ZMYM5: variants seen among roughly 807,000 people sequenced by gnomAD.
ZMYM5 encodes the protein zinc finger MYM-type containing 5, also known as zinc finger MYM-type protein 5.
Under a neutral mutation model 61.8 loss-of-function variants are expected in ZMYM5, and 41 were observed. The observed-to-expected ratio is 0.66, with a 90% CI of 0.52 to 0.86. The LOEUF (loss-of-function observed/expected upper bound fraction) is 0.86, where lower values mean the gene tolerates loss of function less well. Among genes scored for constraint, ZMYM5 ranks in the 40% least tolerant of loss-of-function variants. The pLI, the probability that ZMYM5 is intolerant of heterozygous loss-of-function variation, is 0.00. For missense variants in ZMYM5, 706 were observed against 786.7 expected, an observed-to-expected ratio of 0.90 and a Z score of 1.23; for synonymous variants, 257 against 276.4, an observed-to-expected ratio of 0.93 and a Z score of 0.70.
intron 2 of ZMYM5, among the ~76,000 whole-genome samples, chr13:19,859,346 G>T (rs2138660939): frequency 1.3e-5 from 2 of 152,234 alleles, no homozygotes; most frequent in African/African-American, 4.8e-5. Context: ...GCTTCAAGTT[G>T]GAAACCCCAC....
At chr13:19,853,732 G>T (rs1450205141) in intron 2 of ZMYM5, among the ~76,000 whole-genome samples, 2 of 151,250 alleles carry the variant, frequency 1.3e-5, no homozygotes, top group African/African-American at 4.9e-5. Context: ...TTCCTGAGTA[G>T]CATGCCTGGC....
intron 6 of ZMYM5, among the ~76,000 whole-genome samples, chr13:19,836,451 T>G (rs1323223853): frequency 1.3e-5 from 2 of 152,072 alleles, no homozygotes; most frequent in African/African-American, 2.4e-5. Context: ...CAACAATCTT[T>G]TTTTTTCTTT....
chr13:19,860,935 C>CGTGTGTGTGTGTGT (rs10690639), intron 2 of ZMYM5, among the ~76,000 whole-genome samples: 24 of 136,856 alleles, frequency 1.8e-4, no homozygotes, highest in African/African-American at 6.5e-4. Flanking sequence ...TATATGCGCA[C>CGTGTGTGTGTGTGT]GTGTGTGTGT....
intron 2 of ZMYM5, among the ~76,000 whole-genome samples, chr13:19,857,216 T>C (rs1029412522): frequency 1.3e-5 from 2 of 152,254 alleles, no homozygotes; most frequent in African/African-American, 4.8e-5. Context: ...AACTGTCTAA[T>C]TTTAAACATT....
chr13:19,837,030 T>TG (rs1952695567), intron 6 of ZMYM5, among the ~76,000 whole-genome samples: 1 of 123,540 alleles, frequency 8.1e-6, no homozygotes, highest in Non-Finnish European at 1.7e-5. Flanking sequence ...TTTTGTTTTT[T>TG]TTTTTTTCTT....
intron 7 of ZMYM5, among the ~76,000 whole-genome samples, chr13:19,828,121 TA>T (rs1292061318): frequency 2.2e-5 from 3 of 138,638 alleles, no homozygotes; most frequent in Non-Finnish European, 4.7e-5. Context: ...TGAAAGAAAA[TA>T]AAAATGGACT....
At chr13:19,834,980 T>C (rs189555448) in intron 7 of ZMYM5, among the ~76,000 whole-genome samples, 1 of 143,546 alleles carries the variant, frequency 7.0e-6, no homozygotes, top group Non-Finnish European at 1.5e-5. Flanking sequence ...CCACTGTGCC[T>C]GATCATTTTC....
intron 7 of ZMYM5, among the ~76,000 whole-genome samples, chr13:19,833,938 G>C (rs11147485): frequency 1.3e-5 from 2 of 152,190 alleles, no homozygotes; most frequent in Non-Finnish European, 2.9e-5. Context: ...CCAGGAGTTC[G>C]AGACCAGCCT....
chr13:19,851,937 A>C lies in ZMYM5; in HGVS notation c.244T>G (p.Phe82Val), dbSNP rs774694890. 1.2e-6 allele frequency: 2 copies of C among 1,613,844 alleles called. No homozygotes were observed. Among genetic ancestry groups the C allele is most frequent in the Admixed American group, 1.7e-5 (1 of 59,956 alleles). ...SAPAIADQRN[F>V]IFASSKNEKP... is the part of the protein sequence containing the mutation. ...TCATTTTTTGATGATGCAAATATGAAGTTTCTTTGATCAGCTATTGCTGGA... is the reference window on the plus strand; with the variant it reads ...TCATTTTTTGATGATGCAAATATGACGTTTCTTTGATCAGCTATTGCTGGA... The change falls in exon 3 of 8, where the codon TTC (phenylalanine) becomes GTC (valine). Residue 82 changes from phenylalanine to valine, a missense_variant. By Grantham distance (50) the Phe-to-Val change is conservative. This residue lies in a region of ZMYM5 where 480 missense variants were observed against 461.7 expected (regional missense o/e 1.04). Coordinates refer to ENST00000337963, the MANE Select transcript of ZMYM5 (RefSeq NM_001142684.2).
chr13:19,839,631 C>T (rs903666292), intron 4 of ZMYM5, among the ~76,000 whole-genome samples: 3 of 152,124 alleles, frequency 2.0e-5, no homozygotes, highest in Non-Finnish European at 4.4e-5. Context: ...CTGCCTCAGC[C>T]TCCCAAAGTG....
At chr13:19,833,775 G>A (rs2138504425) in intron 7 of ZMYM5, among the ~76,000 whole-genome samples, 1 of 152,218 alleles carries the variant, frequency 6.6e-6, no homozygotes, top group Middle Eastern at 3.4e-3. Context: ...TTAAAATCTT[G>A]TACTTTTCAA....
chr13:19,838,608 C>T, intron 5 of ZMYM5, 92 bp downstream of exon 5: 3 of 1,466,376 alleles, frequency 2.0e-6, no homozygotes, highest in African/African-American at 1.4e-5. Flanking sequence ...CAATTCTACC[C>T]ATAAATCTAT....
intron 4 of ZMYM5, among the ~76,000 whole-genome samples, chr13:19,848,218 C>A (rs1168276157): frequency 6.6e-6 from 1 of 151,942 alleles, no homozygotes; most frequent in African/African-American, 2.4e-5. Context: ...CTCCTGACCT[C>A]AGGTGATCCG....
At chr13:19,839,052 T>C (rs1952771565) in intron 4 of ZMYM5, 67 bp from the exon 5 acceptor site, 4 of 1,560,864 alleles carry the variant, frequency 2.6e-6, no homozygotes, top group Non-Finnish European at 2.6e-6. Flanking sequence ...ATAACTTGCA[T>C]TTTCATTTAA....
chr13:19,852,002 ACATCATCAT>A lies in ZMYM5; in HGVS notation c.170_178del (p.Asp57_Asp59del). The A allele has an allele frequency of 1.1e-5, 17 of 1,613,166 alleles. No homozygotes were observed. Among genetic ancestry groups the A allele is most frequent in the Non-Finnish European group, 1.4e-5 (17 of 1,179,456 alleles). On this transcript the variant is annotated inframe_deletion, in exon 3 of 8. Transcript: ENST00000337963. ...AGGTTGTATAGATTCAATAAACACA[ACATCATCAT>A]CATCATCATCATCTTCCACTGGTGA...
intron 7 of ZMYM5, among the ~76,000 whole-genome samples, chr13:19,829,709 C>T (rs1891109740): frequency 1.3e-5 from 2 of 152,178 alleles, no homozygotes; most frequent in Admixed American, 1.3e-4. Context: ...ACCCTCTCGC[C>T]TCAGTCTTTC....
At chr13:19,840,824 C>A (rs1952844575) in intron 4 of ZMYM5, among the ~76,000 whole-genome samples, 1 of 152,030 alleles carries the variant, frequency 6.6e-6, no homozygotes, top group Admixed American at 6.6e-5. Context: ...ACTACAAGCA[C>A]CCGCCACCAT....
chr13:19,859,993 AC>A (rs1953670224), intron 2 of ZMYM5, among the ~76,000 whole-genome samples: 1 of 145,844 alleles, frequency 6.9e-6, no homozygotes, highest in African/African-American at 2.5e-5. Flanking sequence ...AGTCTCAGCT[AC>A]TCAGGAGGCT....
intron 1 of ZMYM5, 39 bp downstream of exon 1, chr13:19,863,411 C>T (rs924046437): frequency 3.3e-5 from 5 of 152,104 alleles, no homozygotes; most frequent in Admixed American, 6.5e-5. Context: ...GTGGGAGCCT[C>T]CGGAGGCTGC....
Sources: gnomAD v4.1 joint callset for allele counts (sites outside exome capture counted in the v4.1 genomes callset) on GRCh38, gnomAD v4.1.1 for gene constraint, gnomAD v4.1.1 regional missense constraint, MANE v1.5 for transcripts, NCBI Gene and HGNC (gene_info 2026-07-23, HGNC 2026-07-21) for gene names.